The following DYNC2H1 variants were observed in gnomAD, a reference collection of about 807,000 sequenced individuals.
DYNC2H1 encodes dynein cytoplasmic 2 heavy chain 1, also known as cytoplasmic dynein 2 heavy chain 1.
In DYNC2H1, 410 loss-of-function variants were observed where a neutral mutation model predicts 570.0. The ratio of observed to expected loss-of-function variants is 0.72; its 90% CI spans 0.66 to 0.78. The LOEUF (loss-of-function observed/expected upper bound fraction) is 0.78. DYNC2H1 is among the 30% of genes least tolerant of loss of function. DYNC2H1 has a pLI of 0.00. For missense variants in DYNC2H1, 4,865 were observed against 5,046.4 expected (o/e 0.96, Z 1.09); for synonymous variants, 1,688 against 1,677.6 (o/e 1.01, Z -0.15).
intron 28 of DYNC2H1, among the ~76,000 whole-genome samples, chr11:103,160,671 T>C (rs1391223369): frequency 6.6e-6 from 1 of 152,014 alleles, no homozygotes; most frequent in Non-Finnish European, 1.5e-5. Context: ...TTCACAAATT[T>C]CACCAGTGAA....
At chr11:103,436,916 A>G (rs1410162058) in intron 85 of DYNC2H1, among the ~76,000 whole-genome samples, 5 of 151,970 alleles carry the variant, frequency 3.3e-5, no homozygotes, top group Non-Finnish European at 7.4e-5. Flanking sequence ...ACTTTTCTTT[A>G]TGCTTCATCC....
At chr11:103,332,191 C>T (rs1240423713) in intron 82 of DYNC2H1, among the ~76,000 whole-genome samples, 1 of 150,000 alleles carries the variant, frequency 6.7e-6, no homozygotes, top group African/African-American at 2.5e-5. Context: ...AGCAAAGTAA[C>T]AGAGATGAAG....
chr11:103,190,588 G>A (rs938826366), intron 45 of DYNC2H1, among the ~76,000 whole-genome samples: 1 of 152,280 alleles, frequency 6.6e-6, no homozygotes, highest in East Asian at 1.9e-4. Flanking sequence ...AAAGGGAATA[G>A]CGTGTACAAG....
intron 81 of DYNC2H1, among the ~76,000 whole-genome samples, chr11:103,321,931 A>G (rs192170764): frequency 4.6e-5 from 7 of 152,130 alleles, no homozygotes; most frequent in African/African-American, 1.4e-4. Flanking sequence ...TATCTATTCA[A>G]TTATGTAGTT....
intron 84 of DYNC2H1, 102 bp downstream of exon 84, chr11:103,399,974 C>T: frequency 1.1e-6 from 1 of 943,096 alleles, no homozygotes; most frequent in Non-Finnish European, 1.6e-6. Context: ...AGCAGAAGAC[C>T]CGAGTCACAC....
intron 54 of DYNC2H1, among the ~76,000 whole-genome samples, chr11:103,213,603 A>G (rs1288397895): frequency 7.1e-6 from 1 of 140,488 alleles, no homozygotes; most frequent in African/African-American, 2.6e-5. Flanking sequence ...TTTTTCATAT[A>G]CCGTTGGCCA....
intron 17 of DYNC2H1, among the ~76,000 whole-genome samples, chr11:103,141,195 T>A (rs1859901277): frequency 6.6e-6 from 1 of 152,250 alleles, no homozygotes; most frequent in Admixed American, 6.5e-5. Context: ...TGAAGCCTTC[T>A]TCTCTCAACT....
chr11:103,319,945 T>A lies in DYNC2H1; in HGVS notation c.11726-1084T>A, dbSNP rs1330270782. ...TTATTCTTCCACTATATAGGTCCCCTTATCCTGCAGGAGGCAACCTAAATC... is the reference window on the plus strand; with the variant it reads ...TTATTCTTCCACTATATAGGTCCCCATATCCTGCAGGAGGCAACCTAAATC... On this transcript the variant is annotated intron_variant, in intron 80 of 88. Transcript: ENST00000375735. This position sits in a 1 kb window ranked among gnomAD's most constrained non-coding sequence, Gnocchi z 4.3. Among the ~76,000 whole-genome samples, 1 of 152,194 alleles carries A rather than the reference T, an allele frequency of 6.6e-6. No individual in the cohort carries two copies. The highest frequency in any genetic ancestry group is 1.9e-4 in the East Asian group (1 of 5,194).
intron 84 of DYNC2H1, among the ~76,000 whole-genome samples, chr11:103,425,820 G>C (rs1565589232): frequency 6.6e-6 from 1 of 151,408 alleles, no homozygotes; most frequent in East Asian, 1.9e-4. Flanking sequence ...AAGGTTAAAA[G>C]TTTAATATTT....
rs1292532272 is a variant in DYNC2H1 at position 103,143,357 on chromosome 11, A to G, written c.2664A>G (p.Ala888=). 1.2e-6 allele frequency: 2 copies of G among 1,612,598 alleles called. No individual in the cohort carries two copies. The highest frequency in any genetic ancestry group is 8.5e-7 in the Non-Finnish European group (1 of 1,179,434). The part of the protein sequence containing the change: ...TVHDWEKNFK[A]LKIKGKEVER... ...ATGATTGGGAGAAAAATTTTAAAGC[A>G]TTAAAAATAAAGGGGAAAGAAGTAG... Residue 888 remains alanine (A), a synonymous_variant, in exon 18 of 89, where the codon GCA becomes GCG. Transcript: ENST00000375735.
rs766575051 is a variant in DYNC2H1 at position 103,436,005 on chromosome 11, T to C, written c.12429T>C (p.Gly4143=). 2.5e-6 allele frequency: 4 copies of C among 1,612,336 alleles called. No individual in the cohort carries two copies. In the African/African-American group the frequency reaches 5.3e-5, roughly 22 times the overall value. The change falls in exon 85 of 89, where the codon GGT becomes GGC. Residue 4143 remains glycine, a synonymous_variant. Transcript: ENST00000375735. ...GPEDPLQYLR[G]LVARALAIQN... ...AAGATCCCTTACAATACCTGAGAGG[T>C]CTTGTTGCCCGTGCCCTTGCAATAC...
intron 83 of DYNC2H1, among the ~76,000 whole-genome samples, chr11:103,382,515 G>A (rs573563518): frequency 4.6e-5 from 7 of 152,254 alleles, no homozygotes; most frequent in Admixed American, 1.3e-4. Flanking sequence ...TCCTCTCAGA[G>A]TCTTGTCCAA....
At chr11:103,267,490 CA>C (rs1331947902) in intron 70 of DYNC2H1, among the ~76,000 whole-genome samples, 1 of 151,788 alleles carries the variant, frequency 6.6e-6, no homozygotes, top group East Asian at 1.9e-4. Flanking sequence ...CAAATGATCT[CA>C]AAGCCATTTT....
intron 83 of DYNC2H1, among the ~76,000 whole-genome samples, chr11:103,382,595 G>T (rs557274983): frequency 6.6e-6 from 1 of 152,066 alleles, no homozygotes; most frequent in Non-Finnish European, 1.5e-5. Flanking sequence ...TTTGTGGTAC[G>T]ATACTTATTT....
intron 78 of DYNC2H1, among the ~76,000 whole-genome samples, chr11:103,309,168 A>ATTTTTTTTTTTTTTTTGTTTTTTTT (rs1867446432): frequency 1.8e-5 from 1 of 54,620 alleles, no homozygotes; most frequent in Non-Finnish European, 3.4e-5. Context: ...ACTGCATGCT[A>ATTTTTTTTTTTTTTTTGTTTTTTTT]TTTTTTTTTT....
chr11:103,256,716 C>A lies in DYNC2H1; in HGVS notation c.10461+476C>A, dbSNP rs1865071454. Among the ~76,000 whole-genome samples, 1 of 152,112 alleles carries A rather than the reference C, an allele frequency of 6.6e-6. No homozygotes were observed. The highest frequency in any genetic ancestry group is 2.4e-5 in the African/African-American group (1 of 41,426). ...TAATGTGGACACCTGTTAGAGTCAT[C>A]TTCTCTACCTCTAGTTCCATCAGTG... On this transcript the variant is annotated intron_variant, in intron 68 of 88. Transcript: ENST00000375735. This position sits in a 1 kb window ranked among gnomAD's most constrained non-coding sequence, Gnocchi z 4.0.
At chr11:103,429,457 T>C in intron 84 of DYNC2H1, among the ~76,000 whole-genome samples, 1 of 100,676 alleles carries the variant, frequency 9.9e-6, no homozygotes, top group East Asian at 4.0e-4. Flanking sequence ...TTTTCTGTAC[T>C]GATAAAAAAA....
Position 103,271,078 on chromosome 11 carries a change from T to C in DYNC2H1, c.10696-9270T>C, listed in dbSNP as rs530921028. Among the ~76,000 whole-genome samples, 34 of 152,346 alleles carry C rather than the reference T, an allele frequency of 2.2e-4. 1 individual carries two copies. Among genetic ancestry groups the C allele is most frequent in the Non-Finnish European group, 3.7e-4 (25 of 68,036 alleles). On this transcript the variant is annotated intron_variant, in intron 70 of 88. Coordinates refer to ENST00000375735, the MANE Select transcript of DYNC2H1 (RefSeq NM_001377.3). ...TGATGGAGTAAAATTCAGATATATA[T>C]TATGTTTTAAAGTATAATATTACTA...
Position 103,177,766 on chromosome 11 carries a change from T to C in DYNC2H1, c.6085T>C (p.Trp2029Arg), listed in dbSNP as rs1861686021. 1 of 1,613,048 alleles carries C rather than the reference T, an allele frequency of 6.2e-7. No homozygotes were observed. Among genetic ancestry groups the C allele is most frequent in the Non-Finnish European group, 8.5e-7 (1 of 1,179,560 alleles). Residue 2029 changes from tryptophan (W) to arginine (R), a missense_variant, in exon 38 of 89, where the codon TGG (tryptophan) becomes CGG (arginine). This residue lies in a region of DYNC2H1 where 231 missense variants were observed against 310.3 expected (regional missense o/e 0.74). Transcript: ENST00000375735. The surrounding 1 kb of genome is among the most constrained non-coding windows in gnomAD (Gnocchi z 4.4). ...LGHIDMDTRE[W>R]SDGVLTNSAR... ...CCATATTGACATGGACACAAGAGAATGGTCTGATGGTGTTTTGACAAATAG... is the reference window on the plus strand; with the variant it reads ...CCATATTGACATGGACACAAGAGAACGGTCTGATGGTGTTTTGACAAATAG...
Sources: gnomAD v4.1 joint callset for allele counts (sites outside exome capture counted in the v4.1 genomes callset) on GRCh38, gnomAD v4.1.1 for gene constraint, gnomAD v4.1.1 regional missense constraint, Gnocchi (gnomAD v3.1) non-coding constraint, MANE v1.5 for transcripts, NCBI Gene and HGNC (gene_info 2026-07-23, HGNC 2026-07-21) for gene names.